The following NCAM2 variants were observed in gnomAD, a reference collection of about 807,000 sequenced individuals.
The protein encoded by NCAM2 is N-CAM-2.
NCAM2 carries 30 observed loss-of-function variants against 98.1 expected under a neutral mutation model. The observed-to-expected ratio is 0.31, with a 90% CI of 0.23 to 0.41. The LOEUF is 0.41. Ranked by LOEUF, NCAM2 falls within the 10% of genes least tolerant of loss-of-function variation. NCAM2 has a pLI of 1.00. For missense variants in NCAM2, 867 were observed against 1,005.8 expected, an observed-to-expected ratio of 0.86 and a Z score of 1.87; for synonymous variants, 368 against 342.4, an observed-to-expected ratio of 1.07 and a Z score of -0.83.
intron 1 of NCAM2, among the ~76,000 whole-genome samples, chr21:21,213,408 A>G (rs575134739): frequency 2.0e-5 from 3 of 152,192 alleles, no homozygotes; most frequent in African/African-American, 7.2e-5. Context: ...TATGAATAGC[A>G]TAATATTGTT....
chr21:21,444,452 T>C (rs1319176039), intron 12 of NCAM2, among the ~76,000 whole-genome samples: 1 of 148,772 alleles, frequency 6.7e-6, no homozygotes, highest in Non-Finnish European at 1.5e-5. Flanking sequence ...GCTGTGAATC[T>C]GTCTGGTCCT....
At chr21:21,382,266 A>G (rs1330404718) in intron 9 of NCAM2, among the ~76,000 whole-genome samples, 1 of 152,088 alleles carries the variant, frequency 6.6e-6, no homozygotes, top group African/African-American at 2.4e-5. Flanking sequence ...CTTTCTGGCC[A>G]CTATTTCTGC....
intron 11 of NCAM2, among the ~76,000 whole-genome samples, chr21:21,424,849 T>C (rs2077180472): frequency 6.6e-6 from 1 of 151,660 alleles, no homozygotes; most frequent in South Asian, 2.1e-4. Flanking sequence ...CTGGCCAACA[T>C]GGTGAAACCC....
intron 1 of NCAM2, among the ~76,000 whole-genome samples, chr21:21,043,862 A>AG (rs1231420963): frequency 6.6e-6 from 1 of 151,204 alleles, no homozygotes; most frequent in Non-Finnish European, 1.5e-5. Context: ...AAAAAAAAAA[A>AG]AAAAAGAAAA....
chr21:21,038,133 G>GC, intron 1 of NCAM2, among the ~76,000 whole-genome samples: 1 of 13,060 alleles, frequency 7.7e-5, no homozygotes, highest in Non-Finnish European at 4.8e-3. Flanking sequence ...GAATTTTTCT[G>GC]CTGCTACTGT....
At chr21:21,258,377 A>G (rs1213429480) in intron 1 of NCAM2, among the ~76,000 whole-genome samples, 1 of 152,136 alleles carries the variant, frequency 6.6e-6, no homozygotes, top group Non-Finnish European at 1.5e-5. Context: ...AAACTAAGGG[A>G]AAAGAGCCAA....
intron 10 of NCAM2, among the ~76,000 whole-genome samples, chr21:21,417,033 A>G (rs2077008714): frequency 6.6e-6 from 1 of 152,266 alleles, no homozygotes; most frequent in East Asian, 1.9e-4. Flanking sequence ...ACAACAAAAA[A>G]ATGAATTGAG....
At chr21:21,083,922 G>A (rs1292357149) in intron 1 of NCAM2, among the ~76,000 whole-genome samples, 2 of 152,074 alleles carry the variant, frequency 1.3e-5, no homozygotes, top group African/African-American at 2.4e-5. Flanking sequence ...ACTTGTATTC[G>A]TTTGTGTATA....
rs367908810 is a variant in NCAM2 at position 21,406,450 on chromosome 21, G to C, written c.1196-3824G>C. ...GGAACTCTTATAAATGGATTTGGCA[G>C]GATTCTTTGCTACTGGCAAGCCAGG... On this transcript the variant is annotated intron_variant, in intron 9 of 17. Coordinates refer to ENST00000400546, the MANE Select transcript of NCAM2 (RefSeq NM_004540.5). Among the ~76,000 whole-genome samples the C allele has an allele frequency of 5.3e-5, 8 of 152,184 alleles. No homozygotes were observed. In the East Asian group the frequency reaches 9.6e-4, roughly 18 times the overall value.
At chr21:21,395,098 G>A (rs1441626421) in intron 9 of NCAM2, among the ~76,000 whole-genome samples, 2 of 152,246 alleles carry the variant, frequency 1.3e-5, no homozygotes, top group East Asian at 1.9e-4. Context: ...TTGGCAGGCC[G>A]AGGTAGGTGG....
intron 15 of NCAM2, among the ~76,000 whole-genome samples, chr21:21,488,493 A>T (rs1322483561): frequency 6.6e-6 from 1 of 152,014 alleles, no homozygotes; most frequent in Non-Finnish European, 1.5e-5. Flanking sequence ...AAATAATTTT[A>T]AATATTAATA....
At chr21:21,203,061 A>G (rs116984671) in intron 1 of NCAM2, among the ~76,000 whole-genome samples, 1,549 of 152,296 alleles carry the variant, frequency 0.01, 11 homozygotes, top group Middle Eastern at 0.02. Context: ...ACTTTAATGG[A>G]TTGAACTCTA....
chr21:21,437,367 C>T (rs1478536043), intron 12 of NCAM2, among the ~76,000 whole-genome samples: 2 of 151,918 alleles, frequency 1.3e-5, no homozygotes, highest in African/African-American at 2.4e-5. Flanking sequence ...ATTGTATTGA[C>T]GAATATCAGC....
In NCAM2 at chr21:21,541,498, C is replaced by T. The variant is rs1463279525; in HGVS notation, c.*3541C>T. ...TGTTTTTCTAAACAATAAATACATT[C>T]TAGATATTGTTGAAATTAAATTTTG... On this transcript the variant is annotated 3_prime_UTR_variant, in exon 18 of 18. Transcript: ENST00000400546. 6 of 151,648 alleles carry T rather than the reference C, an allele frequency of 4.0e-5. No homozygotes were observed. The highest frequency in any genetic ancestry group is 7.4e-5 in the Non-Finnish European group (5 of 67,710). The allele number at this position is 151,648 out of a possible 1,614,324, so 9.4% of individuals were successfully genotyped here.
intron 1 of NCAM2, among the ~76,000 whole-genome samples, chr21:21,133,990 C>G (rs2066988955): frequency 6.6e-6 from 1 of 151,334 alleles, no homozygotes; most frequent in Non-Finnish European, 1.5e-5. Flanking sequence ...GACCTCATTT[C>G]TGGTTCCTTT....
intron 6 of NCAM2, among the ~76,000 whole-genome samples, chr21:21,330,592 G>A (rs2074646466): frequency 6.6e-6 from 1 of 151,948 alleles, no homozygotes; most frequent in Non-Finnish European, 1.5e-5. Context: ...ATATTAAATA[G>A]ATCAACTCCC....
intron 12 of NCAM2, among the ~76,000 whole-genome samples, chr21:21,458,750 G>C (rs1982529682): frequency 1.3e-5 from 2 of 152,102 alleles, no homozygotes; most frequent in Non-Finnish European, 2.9e-5. Context: ...TACTAAGACA[G>C]AAATATAGGG....
intron 9 of NCAM2, among the ~76,000 whole-genome samples, chr21:21,390,311 T>C (rs2076354538): frequency 6.6e-6 from 1 of 152,150 alleles, no homozygotes; most frequent in African/African-American, 2.4e-5. Context: ...TGCCATTGTC[T>C]ATATTAGACA....
At chr21:21,388,576 G>A (rs1339964055) in intron 9 of NCAM2, among the ~76,000 whole-genome samples, 1 of 152,164 alleles carries the variant, frequency 6.6e-6, no homozygotes, top group African/African-American at 2.4e-5. Context: ...CAGTCCGGCA[G>A]CCACTTGTTA....
Sources: allele counts gnomAD v4.1 joint callset (sites outside exome capture counted in the v4.1 genomes callset), GRCh38; gene constraint gnomAD v4.1.1; transcripts MANE v1.5; gene names NCBI Gene and HGNC (gene_info 2026-07-23, HGNC 2026-07-21).